The following ADCY2 variants were observed in gnomAD, a reference collection of about 807,000 sequenced individuals.
ADCY2 encodes adenylate cyclase 2, also known as adenylate cyclase type 2.
A neutral mutation model predicts 125.2 loss-of-function variants in ADCY2; 31 were observed. That is an observed-to-expected ratio of 0.25 (90% confidence interval 0.19 to 0.33). The LOEUF is 0.33. ADCY2 is among the 10% of genes least tolerant of loss of function. ADCY2 has a pLI of 1.00. For synonymous variants in ADCY2, 512 were observed against 548.4 expected (o/e 0.93, Z 0.93); for missense variants, 904 against 1,418.2 (o/e 0.64, Z 5.82).
chr5:7,683,132 C>G (rs1740396355), intron 4 of ADCY2, among the ~76,000 whole-genome samples: 1 of 152,174 alleles, frequency 6.6e-6, no homozygotes, highest in Non-Finnish European at 1.5e-5. Flanking sequence ...GAGGTCCCTG[C>G]CCTGAAGACT....
intron 2 of ADCY2, among the ~76,000 whole-genome samples, chr5:7,465,199 A>G (rs987973868): frequency 3.3e-5 from 5 of 152,232 alleles, no homozygotes; most frequent in Non-Finnish European, 7.3e-5. Flanking sequence ...CAGCCAAACC[A>G]TATCATTATC....
chr5:7,501,169 T>G lies in ADCY2; in HGVS notation c.409-19569T>G, dbSNP rs183410931. 1.0e-3 allele frequency among the ~76,000 whole-genome samples: 153 copies of G among 152,040 alleles called. 2 individuals carry two copies. Among genetic ancestry groups the G allele is most frequent in the South Asian group, 1.7e-3 (8 of 4,820 alleles). On this transcript the variant is annotated intron_variant, in intron 2 of 24. Transcript: ENST00000338316. ...AAAGGTCTACATTTTCTTCCTTCAT[T>G]GGACTTCCTGCTGAGGCTGTTGACA...
chr5:7,432,114 G>A (rs1740626583), intron 2 of ADCY2, among the ~76,000 whole-genome samples: 1 of 152,102 alleles, frequency 6.6e-6, no homozygotes. Context: ...ATAGCTGTCT[G>A]ACAGTGTAGC....
At chr5:7,492,665 T>C (rs1743204713) in intron 2 of ADCY2, among the ~76,000 whole-genome samples, 3 of 151,430 alleles carry the variant, frequency 2.0e-5, no homozygotes, top group African/African-American at 4.8e-5. Context: ...TTAACAGAGA[T>C]TTGCATCTGA....
intron 3 of ADCY2, among the ~76,000 whole-genome samples, chr5:7,574,169 AT>A (rs1179472488): frequency 2.5e-5 from 3 of 119,698 alleles, no homozygotes; most frequent in Admixed American, 2.4e-4. Flanking sequence ...ATTGTTGGAC[AT>A]TTGGGTTGGT....
chr5:7,496,048 G>T (rs1743335354), intron 2 of ADCY2, among the ~76,000 whole-genome samples: 1 of 152,138 alleles, frequency 6.6e-6, no homozygotes, highest in African/African-American at 2.4e-5. Context: ...AGTGTGAATG[G>T]CCTGTTTAAA....
intron 22 of ADCY2, among the ~76,000 whole-genome samples, chr5:7,816,645 T>C (rs1745121511): frequency 6.6e-6 from 1 of 152,266 alleles, no homozygotes; most frequent in Non-Finnish European, 1.5e-5. Context: ...TGAGGGGGCC[T>C]GAGACACGGA....
At chr5:7,797,918 G>A (rs1561009443) in intron 20 of ADCY2, 1 of 152,378 alleles carries the variant, frequency 6.6e-6, no homozygotes, top group Non-Finnish European at 1.5e-5. Context: ...TCTCCAACTG[G>A]GGGACACCAA....
intron 10 of ADCY2, among the ~76,000 whole-genome samples, chr5:7,711,138 A>G (rs568450973): frequency 6.6e-6 from 1 of 152,218 alleles, no homozygotes; most frequent in South Asian, 2.1e-4. Context: ...AGATGGAGGC[A>G]TGAATGTGAA....
chr5:7,806,012 C>T (rs1436373141), intron 22 of ADCY2, among the ~76,000 whole-genome samples: 1 of 152,074 alleles, frequency 6.6e-6, no homozygotes, highest in Non-Finnish European at 1.5e-5. Flanking sequence ...AGAACCTTGC[C>T]TTTGAATTCT....
intron 22 of ADCY2, among the ~76,000 whole-genome samples, chr5:7,806,152 A>G (rs1744753669): frequency 6.6e-6 from 1 of 152,152 alleles, no homozygotes; most frequent in Non-Finnish European, 1.5e-5. Flanking sequence ...AAAATTGAAA[A>G]AATGTAAAAT....
At chr5:7,598,321 G>A (rs1476542318) in intron 3 of ADCY2, among the ~76,000 whole-genome samples, 2 of 152,162 alleles carry the variant, frequency 1.3e-5, no homozygotes, top group East Asian at 3.9e-4. Context: ...GGGTAGGGGT[G>A]AGCCTAAATA....
intron 5 of ADCY2, 146 bp downstream of exon 5, chr5:7,690,985 C>A: frequency 1.1e-6 from 1 of 942,416 alleles, no homozygotes; most frequent in Non-Finnish European, 1.5e-6. Context: ...ATTCTGCCAT[C>A]CCACTCACCT....
At chr5:7,763,699 G>T (rs999248182) in intron 16 of ADCY2, among the ~76,000 whole-genome samples, 2 of 152,132 alleles carry the variant, frequency 1.3e-5, no homozygotes, top group African/African-American at 4.8e-5. Flanking sequence ...CTGGCTCCTT[G>T]CCCCTGGCAT....
intron 14 of ADCY2, among the ~76,000 whole-genome samples, chr5:7,728,376 A>C (rs769907935): frequency 1.3e-5 from 2 of 152,188 alleles, no homozygotes; most frequent in Non-Finnish European, 2.9e-5. Flanking sequence ...AGTTTTGTTC[A>C]TGTATGTACA....
chr5:7,563,930 C>G (rs931582623), intron 3 of ADCY2, among the ~76,000 whole-genome samples: 1 of 152,170 alleles, frequency 6.6e-6, no homozygotes, highest in Non-Finnish European at 1.5e-5. Flanking sequence ...AACAAAGACT[C>G]CTCTTGCTTT....
chr5:7,646,820 A>G (rs1738913736), intron 4 of ADCY2, among the ~76,000 whole-genome samples: 1 of 152,240 alleles, frequency 6.6e-6, no homozygotes, highest in Admixed American at 6.5e-5. Flanking sequence ...TTGTTATATT[A>G]TCACCAGCAA....
At chr5:7,662,832 C>G (rs963882214) in intron 4 of ADCY2, among the ~76,000 whole-genome samples, 1 of 152,188 alleles carries the variant, frequency 6.6e-6, no homozygotes, top group Non-Finnish European at 1.5e-5. Context: ...CAGAGAAGTT[C>G]TGGGTACACT....
At chr5:7,414,185 CA>C (rs561261172) in intron 1 of ADCY2, among the ~76,000 whole-genome samples, 42 of 152,282 alleles carry the variant, frequency 2.8e-4, no homozygotes, top group African/African-American at 9.6e-4. Context: ...AATCCATTTG[CA>C]AGATAGTTTT....
Sources: gnomAD v4.1 joint callset for allele counts (sites outside exome capture counted in the v4.1 genomes callset) on GRCh38, gnomAD v4.1.1 for gene constraint, MANE v1.5 for transcripts, NCBI Gene and HGNC (gene_info 2026-07-23, HGNC 2026-07-21) for gene names.